Variants in KDM4C observed in about 807,000 individuals in gnomAD.
KDM4C encodes lysine-specific demethylase 4C.
KDM4C carries 81 observed loss-of-function variants against 129.3 expected under a neutral mutation model. That is an observed-to-expected ratio of 0.63 (90% CI 0.52 to 0.75). The LOEUF is 0.75. Among genes scored for constraint, KDM4C ranks in the 30% least tolerant of loss-of-function variants. KDM4C has a pLI of 0.00. For missense variants in KDM4C, 1,457 were observed against 1,304.0 expected (o/e 1.12, Z -1.81); for synonymous variants, 573 against 456.1 (o/e 1.26, Z -3.26).
At chr9:7,037,787 A>G (rs2132436481) in intron 15 of KDM4C, among the ~76,000 whole-genome samples, 1 of 152,278 alleles carries the variant, frequency 6.6e-6, no homozygotes, top group Non-Finnish European at 1.5e-5. Flanking sequence ...TTGGAGACAG[A>G]AATAACAGCT....
At chr9:7,130,450 T>G (rs1840495542) in intron 19 of KDM4C, among the ~76,000 whole-genome samples, 1 of 152,236 alleles carries the variant, frequency 6.6e-6, no homozygotes, top group African/African-American at 2.4e-5. Context: ...CCTTCCTCTG[T>G]GAACCAGAAC....
At chr9:7,022,373 C>G (rs1586978151) in intron 15 of KDM4C, among the ~76,000 whole-genome samples, 1 of 152,112 alleles carries the variant, frequency 6.6e-6, no homozygotes, top group East Asian at 1.9e-4. Context: ...TTTCACTTCT[C>G]TGGTAAGTTA....
rs906393866 is a variant in KDM4C, at chr9:6,789,439, C to T, written c.-17-3533C>T. 3.2e-4 allele frequency among the ~76,000 whole-genome samples: 49 copies of T among 152,104 alleles called. 1 individual carries two copies. Among genetic ancestry groups the T allele is most frequent in the East Asian group, 1.9e-4 (1 of 5,172 alleles). ...TTTCTCCATGTTGGTCAGGCTGTCT[C>T]GAACTCCTGACCTCAGGTGATCCAC... is the stretch of plus-strand genomic sequence containing the variant. On this transcript the variant is annotated intron_variant, in intron 1 of 21. Coordinates refer to ENST00000381309, the MANE Select transcript of KDM4C (RefSeq NM_015061.6).
At chr9:6,855,700 A>G (rs1360669291) in intron 5 of KDM4C, among the ~76,000 whole-genome samples, 2 of 152,058 alleles carry the variant, frequency 1.3e-5, no homozygotes, top group East Asian at 1.9e-4. Context: ...TTGGTCTAGA[A>G]GAGAGAAGCT....
intron 11 of KDM4C, 101 bp from the exon 12 acceptor site, chr9:6,990,315 T>G: frequency 1.3e-6 from 1 of 788,790 alleles, no homozygotes. Flanking sequence ...ACAAGATTTC[T>G]TCAACATTAA....
chr9:7,059,685 A>G (rs1031568307), intron 17 of KDM4C, among the ~76,000 whole-genome samples: 3 of 152,200 alleles, frequency 2.0e-5, no homozygotes, highest in Non-Finnish European at 2.9e-5. Context: ...ACATATTACA[A>G]CAGACCAAAT....
chr9:6,858,489 G>A (rs1840306481), intron 5 of KDM4C, among the ~76,000 whole-genome samples: 1 of 152,154 alleles, frequency 6.6e-6, no homozygotes, highest in Non-Finnish European at 1.5e-5. Flanking sequence ...AAGCATTAAT[G>A]CTGTTCACCT....
At chr9:7,122,027 T>C (rs1272324509) in intron 18 of KDM4C, among the ~76,000 whole-genome samples, 2 of 152,150 alleles carry the variant, frequency 1.3e-5, no homozygotes, top group Non-Finnish European at 2.9e-5. Context: ...AGCACCTATG[T>C]TGTGTTAGTC....
At chr9:6,782,039 G>A (rs1389152396) in intron 1 of KDM4C, among the ~76,000 whole-genome samples, 1 of 152,052 alleles carries the variant, frequency 6.6e-6, no homozygotes, top group Non-Finnish European at 1.5e-5. Flanking sequence ...TGGCCCGGCT[G>A]GTCTCGAACT....
intron 1 of KDM4C, among the ~76,000 whole-genome samples, chr9:6,759,393 A>G (rs1444665177): frequency 6.6e-6 from 1 of 152,092 alleles, no homozygotes; most frequent in Admixed American, 6.6e-5. Context: ...TTAAAGGTCC[A>G]TTTTTTATTA....
intron 17 of KDM4C, among the ~76,000 whole-genome samples, chr9:7,088,485 T>C (rs999183878): frequency 1.3e-5 from 2 of 152,250 alleles, no homozygotes; most frequent in African/African-American, 4.8e-5. Context: ...ATTTGACTTC[T>C]AAAATTTGAG....
chr9:7,142,865 G>A (rs1277361223), intron 19 of KDM4C, among the ~76,000 whole-genome samples: 1 of 152,116 alleles, frequency 6.6e-6, no homozygotes, highest in African/African-American at 2.4e-5. Context: ...GTGTGTGTGT[G>A]TGTGTGTGTA....
intron 5 of KDM4C, among the ~76,000 whole-genome samples, chr9:6,867,790 A>G (rs1454018037): frequency 1.3e-5 from 2 of 152,184 alleles, no homozygotes; most frequent in African/African-American, 4.8e-5. Flanking sequence ...CTACTTATGA[A>G]ACTTACTAAC....
chr9:6,882,772 TTGTG>T (rs3072026), intron 6 of KDM4C, among the ~76,000 whole-genome samples: 10,627 of 149,590 alleles, frequency 0.071, 1,100 homozygotes, highest in African/African-American at 0.23. Context: ...TTTTAAGCAT[TTGTG>T]TGTGTGTGTG....
At chr9:6,895,379 G>A (rs1168096538) in intron 8 of KDM4C, among the ~76,000 whole-genome samples, 1 of 152,148 alleles carries the variant, frequency 6.6e-6, no homozygotes, top group East Asian at 1.9e-4. Context: ...GTTCATATTT[G>A]TTGCTGACTG....
At chr9:6,855,621 C>T in intron 5 of KDM4C, among the ~76,000 whole-genome samples, 1 of 152,082 alleles carries the variant, frequency 6.6e-6, no homozygotes, top group South Asian at 2.1e-4. Context: ...TCCCTCCCTC[C>T]ACTCTCTTCT....
intron 6 of KDM4C, among the ~76,000 whole-genome samples, chr9:6,883,846 G>C (rs867748222): frequency 2.6e-5 from 4 of 152,088 alleles, no homozygotes; most frequent in Non-Finnish European, 5.9e-5. Context: ...TTGGTGACTT[G>C]TGCGTAGATT....
chr9:7,126,897 C>G (rs1840078925), intron 18 of KDM4C, among the ~76,000 whole-genome samples: 1 of 151,910 alleles, frequency 6.6e-6, no homozygotes, highest in Non-Finnish European at 1.5e-5. Flanking sequence ...ATCACAAGAA[C>G]CAGTACGAAG....
chr9:7,040,763 T>C (rs1828452675), intron 15 of KDM4C, among the ~76,000 whole-genome samples: 1 of 151,992 alleles, frequency 6.6e-6, no homozygotes, highest in South Asian at 2.1e-4. Context: ...TTGTAACTCA[T>C]ATAATTGTTT....
Sources: gnomAD v4.1 joint callset for allele counts (sites outside exome capture counted in the v4.1 genomes callset) on GRCh38, gnomAD v4.1.1 for gene constraint, MANE v1.5 for transcripts, NCBI Gene and HGNC (gene_info 2026-07-23, HGNC 2026-07-21) for gene names.